Variants in PHF14 observed in about 807,000 individuals in gnomAD.
The protein encoded by PHF14 is PHD finger protein 14.
In PHF14, 55 loss-of-function variants were observed where a neutral mutation model predicts 117.9. The ratio of observed to expected loss-of-function variants is 0.47; its 90% CI spans 0.38 to 0.58. PHF14 has a LOEUF of 0.58. Ranked by LOEUF, PHF14 falls within the 20% of genes least tolerant of loss-of-function variation. PHF14 has a pLI of 0.00. For synonymous variants in PHF14, 409 were observed against 368.6 expected, an observed-to-expected ratio of 1.11 and a Z score of -1.26; for missense variants, 978 against 1,122.2, an observed-to-expected ratio of 0.87 and a Z score of 1.84.
chr7:10,982,396 G>A lies in PHF14; in HGVS notation c.137G>A (p.Ser46Asn). 2 of 1,566,336 alleles carry A rather than the reference G, an allele frequency of 1.3e-6. No homozygotes were observed. The highest frequency in any genetic ancestry group is 1.7e-6 in the Non-Finnish European group (2 of 1,164,554). ...ASDSEGSGNG[S>N]EDASKDSGEG... is the part of the protein sequence containing the mutation. ...GATTCTGAAGGGAGTGGTAATGGAA[G>A]TGAAGATGCTTCAAAGGACAGTGGA... The change falls in exon 3 of 18, where the codon AGT (serine) becomes AAT (asparagine). Residue 46 changes from serine (S) to asparagine (N), a missense_variant. By Grantham distance (46) the Ser-to-Asn change is conservative. Around this residue, in one of 7 missense-constraint regions of PHF14, gnomAD observed 414 missense variants for 376.4 expected, o/e 1.10. Coordinates refer to ENST00000634607, the MANE Select transcript of PHF14 (RefSeq NM_001007157.2).
chr7:11,056,759 A>G (rs1785034123), intron 14 of PHF14, among the ~76,000 whole-genome samples: 1 of 148,986 alleles, frequency 6.7e-6, no homozygotes, highest in Non-Finnish European at 1.5e-5. Flanking sequence ...TTTATTATAT[A>G]TTGCTACATA....
chr7:11,023,956 A>G (rs1783823476), intron 6 of PHF14, among the ~76,000 whole-genome samples: 1 of 152,228 alleles, frequency 6.6e-6, no homozygotes, highest in Non-Finnish European at 1.5e-5. Flanking sequence ...TTAGTGAGGA[A>G]GGCATGTCGA....
chr7:11,139,043 G>A (rs1357741593), intron 17 of PHF14, among the ~76,000 whole-genome samples: 1 of 152,118 alleles, frequency 6.6e-6, no homozygotes, highest in African/African-American at 2.4e-5. Context: ...AGGGAGCAAG[G>A]AAGTCTGCAA....
Position 11,169,603 on chromosome 7 carries a change from G to T in PHF14, c.*113G>T. The T allele has an allele frequency of 2.1e-6, 1 of 482,240 alleles. No homozygotes were observed. Among genetic ancestry groups the T allele is most frequent in the Non-Finnish European group, 3.6e-6 (1 of 274,014 alleles). The allele number at this position is 482,240 out of a possible 1,614,324, so 29.9% of individuals were successfully genotyped here. A position where few individuals can be genotyped will look rare whatever the true frequency, so the allele number is the denominator to read the frequency against. On this transcript the variant is annotated 3_prime_UTR_variant, in exon 18 of 18. Transcript: ENST00000634607. ...TAATTTGCAAAATGTTCTCAATAAA[G>T]TCATTCAAAATGAAATAGGAGCTTG...
intron 17 of PHF14, among the ~76,000 whole-genome samples, chr7:11,136,592 C>T (rs1788226877): frequency 6.6e-6 from 1 of 151,998 alleles, no homozygotes; most frequent in Non-Finnish European, 1.5e-5. Flanking sequence ...TGTCTTTTGC[C>T]ATGTTCTATT....
At chr7:11,140,482 C>G (rs961687355) in intron 17 of PHF14, among the ~76,000 whole-genome samples, 2 of 152,022 alleles carry the variant, frequency 1.3e-5, no homozygotes, top group African/African-American at 4.8e-5. Context: ...CAAATATGTA[C>G]AGTATAGGAG....
chr7:10,978,982 G>T (rs1472464024), intron 2 of PHF14, among the ~76,000 whole-genome samples: 1 of 152,132 alleles, frequency 6.6e-6, no homozygotes, highest in African/African-American at 2.4e-5. Context: ...TAGTAGAATA[G>T]TGATTGATCT....
chr7:11,024,297 C>T (rs1253953955), intron 6 of PHF14, among the ~76,000 whole-genome samples: 5 of 151,956 alleles, frequency 3.3e-5, no homozygotes, highest in Admixed American at 2.6e-4. Flanking sequence ...AAGCCATCTC[C>T]GTAATATAAA....
chr7:11,146,179 TTA>T (rs1357097082), intron 17 of PHF14, among the ~76,000 whole-genome samples: 2 of 152,170 alleles, frequency 1.3e-5, no homozygotes, highest in East Asian at 3.9e-4. Flanking sequence ...AATTAAAAAA[TTA>T]TATTTTGAAA....
chr7:11,050,143 A>T (rs550874080), intron 13 of PHF14, among the ~76,000 whole-genome samples: 1 of 152,332 alleles, frequency 6.6e-6, no homozygotes, highest in African/African-American at 2.4e-5. Context: ...TTCAAAATTT[A>T]AAGCTGTCAC....
intron 6 of PHF14, among the ~76,000 whole-genome samples, chr7:11,024,654 CA>C (rs1783849764): frequency 6.6e-6 from 1 of 152,200 alleles, no homozygotes; most frequent in Non-Finnish European, 1.5e-5. Context: ...AAAGCCTGTG[CA>C]CAGCACATCT....
chr7:10,994,657 G>A (rs1562566256), intron 4 of PHF14, among the ~76,000 whole-genome samples: 1 of 152,124 alleles, frequency 6.6e-6, no homozygotes, highest in Non-Finnish European at 1.5e-5. Flanking sequence ...GAATGAAGCT[G>A]TGGATCCTCG....
At position 11,051,595 on chromosome 7, in the gene PHF14, T is replaced by C; in HGVS notation, c.2313-17T>C. 1 of 1,593,572 alleles carries C rather than the reference T, an allele frequency of 6.3e-7. No homozygotes were observed. Among genetic ancestry groups the C allele is most frequent in the Non-Finnish European group, 8.5e-7 (1 of 1,170,332 alleles). On this transcript the variant is annotated splice_polypyrimidine_tract_variant and intron_variant, in intron 13 of 17. Coordinates refer to ENST00000634607, the MANE Select transcript of PHF14 (RefSeq NM_001007157.2). ...ATAATAATAAATGCATGACTTAAAT[T>C]TTTCCCCTTTATGTAGGCAGTGCTC...
At chr7:10,980,626 T>G (rs1782017528) in intron 2 of PHF14, among the ~76,000 whole-genome samples, 1 of 152,192 alleles carries the variant, frequency 6.6e-6, no homozygotes, top group Non-Finnish European at 1.5e-5. Flanking sequence ...ATCCAAGTGT[T>G]TTGTAAGGTT....
At chr7:11,067,580 G>A (rs138487340) in intron 16 of PHF14, among the ~76,000 whole-genome samples, 4 of 152,292 alleles carry the variant, frequency 2.6e-5, no homozygotes, top group Non-Finnish European at 4.4e-5. Flanking sequence ...TGGATTAAAG[G>A]ATAAACAAAA....
intron 13 of PHF14, among the ~76,000 whole-genome samples, chr7:11,048,709 A>G (rs1171052786): frequency 6.6e-6 from 1 of 152,228 alleles, no homozygotes; most frequent in Admixed American, 6.5e-5. Flanking sequence ...GGATATTTAT[A>G]AGATGAAGAC....
At chr7:11,168,664 A>G (rs552148809) in intron 17 of PHF14, among the ~76,000 whole-genome samples, 1 of 152,356 alleles carries the variant, frequency 6.6e-6, no homozygotes, top group South Asian at 2.1e-4. Flanking sequence ...CAGAAATATT[A>G]GGAAAGCAAG....
At chr7:11,165,549 C>G (rs28756304) in intron 17 of PHF14, among the ~76,000 whole-genome samples, 2,376 of 152,184 alleles carry the variant, frequency 0.016, 62 homozygotes, top group African/African-American at 0.054. Context: ...ATCTTTTAAA[C>G]TTGGCAGTCT....
At chr7:11,045,115 A>G (rs1293613733) in intron 13 of PHF14, among the ~76,000 whole-genome samples, 2 of 152,210 alleles carry the variant, frequency 1.3e-5, no homozygotes, top group African/African-American at 4.8e-5. Flanking sequence ...AAATTGCCAT[A>G]GTTAGGAGTA....
Sources: gnomAD v4.1 joint callset for allele counts (sites outside exome capture counted in the v4.1 genomes callset) on GRCh38, gnomAD v4.1.1 for gene constraint, gnomAD v4.1.1 regional missense constraint, MANE v1.5 for transcripts, NCBI Gene and HGNC (gene_info 2026-07-23, HGNC 2026-07-21) for gene names.